The following KIRREL2 variants were observed in gnomAD, a reference collection of about 807,000 sequenced individuals.
KIRREL2 encodes the protein kin of IRRE-like protein 2.
A neutral mutation model predicts 73.4 loss-of-function variants in KIRREL2; 56 were observed. That is an observed-to-expected ratio of 0.76 (90% CI 0.62 to 0.95). The LOEUF (loss-of-function observed/expected upper bound fraction) is 0.95, where lower values mean the gene tolerates loss of function less well. Ranked by LOEUF, KIRREL2 falls within the 40% of genes least tolerant of loss-of-function variation. The probability of loss-of-function intolerance (pLI) is 0.00; values close to 1 mark genes in which losing one functional copy is unlikely to be tolerated. For synonymous variants in KIRREL2, 407 were observed against 404.0 expected, an observed-to-expected ratio of 1.01 and a Z score of -0.09; for missense variants, 896 against 935.0, an observed-to-expected ratio of 0.96 and a Z score of 0.54.
chr19:35,860,736 G>A (rs1973633466), intron 7 of KIRREL2, 69 bp downstream of exon 7: 1 of 1,591,486 alleles, frequency 6.3e-7, no homozygotes, highest in Non-Finnish European at 8.5e-7. Flanking sequence ...GAGGGTCGGG[G>A]CCTGGAGGGG....
intron 13 of KIRREL2, among the ~76,000 whole-genome samples, chr19:35,863,843 G>A (rs1973826032): frequency 6.6e-6 from 1 of 150,794 alleles, no homozygotes; most frequent in African/African-American, 2.4e-5. Context: ...GCGCGAACTC[G>A]ACTCACTGCA....
chr19:35,855,938 G>A (rs1285015207), upstream of KIRREL2: 1 of 152,096 alleles, frequency 6.6e-6, no homozygotes, highest in Non-Finnish European at 1.5e-5. Context: ...GCCAGCAAAG[G>A]CCTGAACCAC....
chr19:35,866,732 C>T lies in KIRREL2; in HGVS notation c.*240C>T. The T allele has an allele frequency of 1.7e-6, 1 of 591,398 alleles. No homozygotes were observed. Among genetic ancestry groups the T allele is most frequent in the African/African-American group, 1.9e-5 (1 of 53,320 alleles). The allele number at this position is 591,398 out of a possible 1,614,324, so 36.6% of individuals were successfully genotyped here. On this transcript the variant is annotated 3_prime_UTR_variant, in exon 15 of 15. Transcript: ENST00000360202. The stretch of plus-strand genomic sequence containing the variant: ...CCTATTCCCCGGTGTAAAAGAGATT[C>T]AAGATGGCAGGTAGGCCCTTTGAGG...
chr19:35,863,796 C>T (rs1048551360), intron 13 of KIRREL2, among the ~76,000 whole-genome samples: 5 of 147,944 alleles, frequency 3.4e-5, no homozygotes, highest in Non-Finnish European at 5.9e-5. Flanking sequence ...TTTTTTGAGA[C>T]GGAGTCTTGG....
Position 35,862,989 on chromosome 19 carries a change from A to G in KIRREL2, c.1678A>G (p.Ser560Gly). 2 of 1,593,268 alleles carry G rather than the reference A, an allele frequency of 1.3e-6. No homozygotes were observed. Among genetic ancestry groups the G allele is most frequent in the Non-Finnish European group, 1.7e-6 (2 of 1,170,360 alleles). Residue 560 changes from serine to glycine, a missense_variant, in exon 13 of 15, where the codon AGT becomes GGT. Coordinates refer to ENST00000360202, the MANE Select transcript of KIRREL2 (RefSeq NM_199180.4). ...AATCCCTGGCAGCAGCGACGGCTCC[A>G]GTTCACGAGGTCCTGAAGAAGAGGA... ...MRIPGSSDGS[S>G]SRGPEEEETG... is the part of the protein sequence containing the mutation.
rs1217557176 is a variant in KIRREL2, at chr19:35,866,277, A to G, written c.1912A>G (p.Thr638Ala). The G allele has an allele frequency of 6.3e-7, 1 of 1,588,906 alleles. No homozygotes were observed. Among genetic ancestry groups the G allele is most frequent in the East Asian group, 2.3e-5 (1 of 42,742 alleles). ...PSPLGPPGTP[T>A]FYDFNPHLGM... ...CCCCCTTGGGCCCCCAGGGACCCCT[A>G]CCTTCTATGACTTCAACCCACACCT... Residue 638 changes from threonine to alanine, a missense_variant, in exon 15 of 15, where the codon ACC becomes GCC. Transcript: ENST00000360202.
chr19:35,857,098 T>A lies in KIRREL2; in HGVS notation c.-22T>A, dbSNP rs1213189010. On this transcript the variant is annotated 5_prime_UTR_variant, in exon 1 of 15. Transcript: ENST00000360202. ...ACGGGAAGGCCAGTGCGACGGCAAA[T>A]CTCGTGAACCTTGGGGGACGAATGC... The A allele has an allele frequency of 1.9e-6, 3 of 1,613,386 alleles. No homozygotes were observed. In the African/African-American group the frequency reaches 4.0e-5, roughly 22 times the overall value.
chr19:35,851,911 CCTCT>C, upstream of KIRREL2: 6 of 1,330,332 alleles, frequency 4.5e-6, no homozygotes, highest in Non-Finnish European at 6.3e-6. Context: ...TCTCTGGGTC[CCTCT>C]CTGTGTGTCT....
chr19:35,851,741 G>A, upstream of KIRREL2: 1 of 1,557,674 alleles, frequency 6.4e-7, no homozygotes, highest in Non-Finnish European at 8.7e-7. Context: ...GGAAATGGGG[G>A]CCACTTGGCG....
chr19:35,851,645 G>C, upstream of KIRREL2: 1 of 1,613,790 alleles, frequency 6.2e-7, no homozygotes, highest in Non-Finnish European at 8.5e-7. Context: ...CCGGGGAACG[G>C]AGGCAGGAAT....
At position 35,858,521 on chromosome 19, in the gene KIRREL2, G is replaced by A. The variant is rs578003794; in HGVS notation, c.325G>A (p.Gly109Ser). The change falls in exon 3 of 15, where the codon GGC becomes AGC. Residue 109 changes from glycine to serine, a missense_variant. Physicochemically the swap from Gly to Ser is moderately conservative, Grantham distance 56 (BLOSUM62 0). Coordinates refer to ENST00000360202, the MANE Select transcript of KIRREL2 (RefSeq NM_199180.4). ...ATATGAATGTCAGGCTACACAAGCA[G>A]GCCTCCGCTCCAGACCAGCCCAACT... is the stretch of plus-strand genomic sequence containing the variant. Reference protein sequence around the residue: ...ASYECQATQAGLRSRPAQLHV... With the variant: ...ASYECQATQASLRSRPAQLHV... 1 of 1,614,182 alleles carries A rather than the reference G, an allele frequency of 6.2e-7. No homozygotes were observed. The highest frequency in any genetic ancestry group is 1.1e-5 in the South Asian group (1 of 91,080).
In KIRREL2 at chr19:35,866,610, G is replaced by A; in HGVS notation, c.*118G>A. The stretch of plus-strand genomic sequence containing the variant: ...CCTCCAAAACTGAACACAAGGGGAG[G>A]GAAAGATCATTACATTTGTCAGGAG... On this transcript the variant is annotated 3_prime_UTR_variant, in exon 15 of 15. Coordinates refer to ENST00000360202, the MANE Select transcript of KIRREL2 (RefSeq NM_199180.4). 7.0e-7 allele frequency: 1 copy of A among 1,421,038 alleles called. No homozygotes were observed. The highest frequency in any genetic ancestry group is 9.8e-7 in the Non-Finnish European group (1 of 1,022,106). The allele number at this position is 1,421,038 out of a possible 1,614,324, so 88.0% of individuals were successfully genotyped here.
At chr19:35,852,079 C>CTTTTTTCTTTT (rs1265305470), upstream of KIRREL2, among the ~76,000 whole-genome samples, 4 of 148,284 alleles carry the variant, frequency 2.7e-5, no homozygotes, top group African/African-American at 7.5e-5. Context: ...ACTTTTTTTT[C>CTTTTTTCTTTT]TTTTTTCTTT....
upstream of KIRREL2, among the ~76,000 whole-genome samples, chr19:35,855,182 C>T (rs945812888): frequency 6.6e-6 from 1 of 151,982 alleles, no homozygotes; most frequent in East Asian, 1.9e-4. Context: ...GCTCTCTACA[C>T]CCCCTGGGAA....
chr19:35,855,438 C>A (rs1349429578), upstream of KIRREL2, among the ~76,000 whole-genome samples: 1 of 151,846 alleles, frequency 6.6e-6, no homozygotes, highest in Non-Finnish European at 1.5e-5. Flanking sequence ...GAAAAACAGC[C>A]CCATGACTTG....
At chr19:35,855,102 C>A (rs1473670246), upstream of KIRREL2, among the ~76,000 whole-genome samples, 1 of 152,116 alleles carries the variant, frequency 6.6e-6, no homozygotes, top group Middle Eastern at 3.2e-3. Context: ...GCTTCATCCT[C>A]GATGCTGGAC....
In KIRREL2 at chr19:35,862,022, G is replaced by T. The variant is rs776884203; in HGVS notation, c.1508G>T (p.Arg503Ile). The change falls in exon 11 of 15, where the codon AGA becomes ATA. Residue 503 changes from arginine to isoleucine, a missense_variant and splice_region_variant. Physicochemically the swap from Arg to Ile is moderately conservative, Grantham distance 97. Transcript: ENST00000360202. Reference sequence around the variant, plus strand: ...GGTGCCCAGGCCAGCCTGGGCCGTAGAGGTGAGACCCCAGCCCGAAGACCC... The same window carrying T: ...GGTGCCCAGGCCAGCCTGGGCCGTATAGGTGAGACCCCAGCCCGAAGACCC... Reference protein sequence around the residue: ...EGGAQASLGRRDLLPTVRIVA... With the variant: ...EGGAQASLGRIDLLPTVRIVA... 2 of 1,606,262 alleles carry T rather than the reference G, an allele frequency of 1.2e-6. No individual in the cohort carries two copies. Among genetic ancestry groups the T allele is most frequent in the Non-Finnish European group, 1.7e-6 (2 of 1,176,854 alleles).
At chr19:35,852,498 C>A (rs1464434940), upstream of KIRREL2, among the ~76,000 whole-genome samples, 3 of 152,154 alleles carry the variant, frequency 2.0e-5, no homozygotes, top group Non-Finnish European at 4.4e-5. Flanking sequence ...AGCTTGAGCT[C>A]ATTCTCACAG....
upstream of KIRREL2, chr19:35,855,879 G>A (rs1036503933): frequency 1.3e-5 from 2 of 152,026 alleles, no homozygotes; most frequent in African/African-American, 4.8e-5. Flanking sequence ...AGTGCACCTT[G>A]AGTCTCCAGC....
Sources: allele counts gnomAD v4.1 joint callset (sites outside exome capture counted in the v4.1 genomes callset), GRCh38; gene constraint gnomAD v4.1.1; transcripts MANE v1.5; gene names NCBI Gene and HGNC (gene_info 2026-07-23, HGNC 2026-07-21).